PUS7: variants seen among roughly 807,000 people sequenced by gnomAD.
PUS7 encodes the protein pseudouridine synthase 7.
Under a neutral mutation model 79.8 loss-of-function variants are expected in PUS7, and 48 were observed. The observed-to-expected ratio is 0.60, with a 90% CI of 0.48 to 0.76. The LOEUF (loss-of-function observed/expected upper bound fraction) is 0.76, where lower values mean the gene tolerates loss of function less well. Among genes scored for constraint, PUS7 ranks in the 30% least tolerant of loss-of-function variants. The pLI, the probability that PUS7 is intolerant of heterozygous loss-of-function variation, is 0.00. For synonymous variants in PUS7, 286 were observed against 272.2 expected, an observed-to-expected ratio of 1.05 and a Z score of -0.50; for missense variants, 729 against 797.6, an observed-to-expected ratio of 0.91 and a Z score of 1.04.
rs867436999 is a variant in PUS7 at position 105,480,946 on chromosome 7, T to G, written c.1175+106A>C. ...AAAAATCATGAAACTGTGGTTCATT[T>G]GCCCCAGACATGGGAGAACGTAGAA... On this transcript the variant is annotated intron_variant, in intron 9 of 15. Coordinates refer to ENST00000469408, the MANE Select transcript of PUS7 (RefSeq NM_019042.5). 5.6e-5 allele frequency: 73 copies of G among 1,304,596 alleles called. No individual in the cohort carries two copies. In the Middle Eastern group the frequency reaches 8.4e-4, roughly 15 times the overall value. The allele number at this position is 1,304,596 out of a possible 1,614,324, so 80.8% of individuals were successfully genotyped here.
Position 105,491,588 on chromosome 7 carries a change from C to T in PUS7, c.872G>A (p.Gly291Glu). The T allele has an allele frequency of 6.2e-7, 1 of 1,600,976 alleles. No individual in the cohort carries two copies. ...RVKPNIFSYM[G>E]TKDKRAITVQ... is the part of the protein sequence containing the mutation. Reference sequence around the variant, plus strand: ...TGTTATAGCCCTTTTATCTTTGGTTCCCATGTAGGAGAATATATTTGGCTT... The same window carrying T: ...TGTTATAGCCCTTTTATCTTTGGTTTCCATGTAGGAGAATATATTTGGCTT... Residue 291 changes from glycine (G) to glutamate (E), a missense_variant, in exon 7 of 16, where the codon GGA (glycine) becomes GAA (glutamate). Transcript: ENST00000469408.
At chr7:105,517,674 G>T (rs988229339) in intron 1 of PUS7, among the ~76,000 whole-genome samples, 5 of 152,148 alleles carry the variant, frequency 3.3e-5, no homozygotes, top group Non-Finnish European at 7.3e-5. Context: ...GCTGAGGCAG[G>T]AGGATTGTGT....
intron 9 of PUS7, among the ~76,000 whole-genome samples, chr7:105,475,929 A>T (rs184145629): frequency 4.6e-5 from 7 of 152,152 alleles, no homozygotes; most frequent in Admixed American, 3.9e-4. Context: ...CTCATATAAG[A>T]GAAATCGTAC....
At chr7:105,474,652 G>A (rs576870852) in intron 9 of PUS7, among the ~76,000 whole-genome samples, 60 of 151,050 alleles carry the variant, frequency 4.0e-4, no homozygotes, top group Admixed American at 2.2e-3. Flanking sequence ...GTGGTGGCAC[G>A]TGCCTGTAGT....
chr7:105,506,144 C>T, intron 3 of PUS7, 45 bp downstream of exon 3: 1 of 1,369,866 alleles, frequency 7.3e-7, no homozygotes, highest in African/African-American at 3.0e-5. Context: ...CTAGGAAATG[C>T]TATTTTTATA....
chr7:105,475,523 T>C (rs373992337), intron 9 of PUS7, among the ~76,000 whole-genome samples: 34 of 152,036 alleles, frequency 2.2e-4, no homozygotes, highest in African/African-American at 7.7e-4. Flanking sequence ...GGGGTTTCAC[T>C]GTGTTAGCTA....
chr7:105,458,966 T>A (rs1353112721), intron 15 of PUS7, among the ~76,000 whole-genome samples: 1 of 152,162 alleles, frequency 6.6e-6, no homozygotes, highest in Non-Finnish European at 1.5e-5. Context: ...CAACCATCTA[T>A]AACATGCACT....
At position 105,468,469 on chromosome 7, in the gene PUS7, G is replaced by A. The variant is rs756638778; in HGVS notation, c.1399-6C>T. 1.3e-6 allele frequency: 2 copies of A among 1,579,384 alleles called. No homozygotes were observed. The highest frequency in any genetic ancestry group is 1.7e-6 in the Non-Finnish European group (2 of 1,166,310). On this transcript the variant is annotated splice_polypyrimidine_tract_variant and splice_region_variant and intron_variant, in intron 11 of 15. Transcript: ENST00000469408. ...AAGCGATTATTTCTGGGTATCTGGAGGGAAGGAAAAAAATAGGCAAGAAAA... is the reference window on the plus strand; with the variant it reads ...AAGCGATTATTTCTGGGTATCTGGAAGGAAGGAAAAAAATAGGCAAGAAAA...
intron 7 of PUS7, among the ~76,000 whole-genome samples, chr7:105,486,036 CT>C (rs1364988720): frequency 1.6e-3 from 217 of 139,728 alleles, no homozygotes; most frequent in Middle Eastern, 3.9e-3. Flanking sequence ...ATTTTTCTTT[CT>C]TTTTTTTTTT....
chr7:105,520,332 G>C (rs1002530412), intron 1 of PUS7, among the ~76,000 whole-genome samples: 1 of 151,830 alleles, frequency 6.6e-6, no homozygotes, highest in Non-Finnish European at 1.5e-5. Flanking sequence ...GGTGGCGGGC[G>C]CCTGTAGTCC....
intron 4 of PUS7, among the ~76,000 whole-genome samples, chr7:105,505,149 C>T (rs375620672): frequency 2.2e-4 from 33 of 151,734 alleles, no homozygotes; most frequent in African/African-American, 7.2e-4. Flanking sequence ...TACAGGCCTG[C>T]GCTACCACGC....
intron 9 of PUS7, among the ~76,000 whole-genome samples, chr7:105,474,855 CA>C (rs1824025582): frequency 6.6e-6 from 1 of 152,128 alleles, no homozygotes; most frequent in Admixed American, 6.6e-5. Context: ...TCTGATTGTC[CA>C]CCTAATTCTG....
intron 12 of PUS7, among the ~76,000 whole-genome samples, chr7:105,466,430 T>C (rs1034746238): frequency 6.6e-6 from 1 of 151,706 alleles, no homozygotes. Flanking sequence ...GTTAGTTTTT[T>C]AATTTTTTGT....
At chr7:105,496,969 C>T in intron 5 of PUS7, 1 of 1,219,070 alleles carries the variant, frequency 8.2e-7, no homozygotes, top group African/African-American at 1.5e-5. Context: ...GCAGTTCTGA[C>T]CTCTGTCCAA....
At chr7:105,470,905 C>T (rs1201569047) in intron 10 of PUS7, 57 bp from the exon 11 acceptor site, 9 of 1,472,248 alleles carry the variant, frequency 6.1e-6, no homozygotes, top group African/African-American at 4.2e-5. Flanking sequence ...ACTTCCATAA[C>T]TTAAAGTACA....
intron 10 of PUS7, 116 bp downstream of exon 10, chr7:105,472,016 C>T: frequency 1.7e-6 from 1 of 581,598 alleles, no homozygotes; most frequent in Non-Finnish European, 3.0e-6. Flanking sequence ...ATTGTAAAAA[C>T]AAATAAAATA....
chr7:105,489,135 G>A (rs113807310), intron 7 of PUS7, among the ~76,000 whole-genome samples: 24,381 of 103,390 alleles, frequency 0.24, 2,298 homozygotes, highest in East Asian at 0.33. Context: ...GCAACAGAGC[G>A]AAACTCCATC....
At chr7:105,503,779 T>C (rs1358894691) in intron 4 of PUS7, among the ~76,000 whole-genome samples, 1 of 151,978 alleles carries the variant, frequency 6.6e-6, no homozygotes, top group East Asian at 2.0e-4. Flanking sequence ...ACTACAGGCA[T>C]GTGCCTCCAT....
intron 9 of PUS7, among the ~76,000 whole-genome samples, chr7:105,475,242 G>A (rs1042626863): frequency 2.0e-5 from 3 of 152,120 alleles, no homozygotes; most frequent in African/African-American, 7.2e-5. Context: ...CTAGAGTGCA[G>A]TGGCACGATC....
Sources: gnomAD v4.1 joint callset for allele counts (sites outside exome capture counted in the v4.1 genomes callset) on GRCh38, gnomAD v4.1.1 for gene constraint, MANE v1.5 for transcripts, NCBI Gene and HGNC (gene_info 2026-07-23, HGNC 2026-07-21) for gene names.